NBDY: variants seen among roughly 807,000 people sequenced by gnomAD.
NBDY encodes the protein negative regulator of P-body association, also known as P-body dissociating protein.
intron 2 of NBDY, among the ~76,000 whole-genome samples, chrX:56,802,408 A>C (rs2069827820): frequency 9.0e-6 from 1 of 110,803 alleles, no homozygotes; most frequent in African/African-American, 3.3e-5. Context: ...CAGTTCCCCT[A>C]AGCCACCCTC....
chrX:56,803,223 C>T (rs1240491408), intron 2 of NBDY, among the ~76,000 whole-genome samples: 2 of 111,501 alleles, frequency 1.8e-5, no homozygotes, highest in African/African-American at 3.3e-5. Context: ...GCTCCACAGC[C>T]CTCTCCGAAA....
At chrX:56,786,703 T>G (rs1336146548) in intron 2 of NBDY, among the ~76,000 whole-genome samples, 1 of 110,419 alleles carries the variant, frequency 9.1e-6, no homozygotes, top group Non-Finnish European at 1.9e-5. Context: ...CTTCTTTTTT[T>G]GCTTTTGCTT....
chrX:56,816,953 G>T (rs1203608644), intron 2 of NBDY, among the ~76,000 whole-genome samples: 1 of 111,055 alleles, frequency 9.0e-6, no homozygotes, highest in African/African-American at 3.3e-5. Flanking sequence ...TTTGTCAAGG[G>T]GCTATGAGGG....
intron 2 of NBDY, among the ~76,000 whole-genome samples, chrX:56,740,559 G>A (rs1166484631): frequency 1.8e-5 from 2 of 111,390 alleles, no homozygotes; most frequent in African/African-American, 6.5e-5. Context: ...ATCTCCCACT[G>A]TATTTGTGTA....
intron 2 of NBDY, among the ~76,000 whole-genome samples, chrX:56,803,285 A>T (rs955115730): frequency 1.1e-4 from 12 of 111,716 alleles, no homozygotes; most frequent in Admixed American, 9.4e-5. Flanking sequence ...ATCTCCAGGA[A>T]TTGCCGGGCA....
chrX:56,788,928 C>T (rs1349621425), intron 2 of NBDY, among the ~76,000 whole-genome samples: 2 of 112,279 alleles, frequency 1.8e-5, no homozygotes, highest in Non-Finnish European at 3.8e-5. Context: ...GAAACCCTGG[C>T]TTAAGCAGAG....
At chrX:56,740,065 C>G (rs969808069) in intron 2 of NBDY, among the ~76,000 whole-genome samples, 14 of 111,249 alleles carry the variant, frequency 1.3e-4, no homozygotes, top group Non-Finnish European at 2.3e-4. Context: ...TTTTAATACC[C>G]AAATTGTCTC....
chrX:56,754,522 T>G, intron 2 of NBDY, among the ~76,000 whole-genome samples: 2 of 112,225 alleles, frequency 1.8e-5, no homozygotes, highest in Admixed American at 1.9e-4. Context: ...TCATACAATA[T>G]CTTCTACAAT....
Position 56,756,400 on chromosome X carries a change from C to T in NBDY, c.*166+24201C>T, listed in dbSNP as rs777424751. Among the ~76,000 whole-genome samples the T allele has an allele frequency of 7.8e-5, 8 of 102,513 alleles. No individual in the cohort carries two copies. The South Asian group carries it at 1.4e-3, about 18-fold the overall frequency. 89.0% of individuals were successfully genotyped at this position (102,513 alleles called of 115,157 possible). On this transcript the variant is annotated intron_variant, in intron 2 of 2. Coordinates refer to ENST00000374922, the MANE Select transcript of NBDY (RefSeq NM_001348129.2). ...AAGATCCATTTGGAAAAGGATACAC[C>T]CTATTAAAGTAAGCCTGATACATGA...
At position 56,762,117 on chromosome X, in the gene NBDY, C is replaced by T. The variant is rs955640170; in HGVS notation, c.*166+29918C>T. 7.2e-5 allele frequency among the ~76,000 whole-genome samples: 8 copies of T among 111,431 alleles called. 1 individual carries two copies. The highest frequency in any genetic ancestry group is 3.8e-5 in the Non-Finnish European group (2 of 53,033). On this transcript the variant is annotated intron_variant, in intron 2 of 2. Transcript: ENST00000374922. Reference sequence around the variant, plus strand: ...GGTGTGTCCTTTCACTGGGATGTCACTGTTGTCTCTTTGTCACTCGTTATG... The same window carrying T: ...GGTGTGTCCTTTCACTGGGATGTCATTGTTGTCTCTTTGTCACTCGTTATG...
chrX:56,765,365 A>T (rs772221190), intron 2 of NBDY, among the ~76,000 whole-genome samples: 3 of 112,140 alleles, frequency 2.7e-5, no homozygotes, highest in East Asian at 5.6e-4. Flanking sequence ...GGGGCTTGGT[A>T]GCCCCTTGCA....
chrX:56,800,637 C>G (rs113343673), intron 2 of NBDY, among the ~76,000 whole-genome samples: 2,723 of 111,994 alleles, frequency 0.024, 32 homozygotes, highest in Middle Eastern at 0.041. Flanking sequence ...AGTTCACTCT[C>G]AACCTCATTG....
At chrX:56,794,869 T>C (rs1226648654) in intron 2 of NBDY, among the ~76,000 whole-genome samples, 1 of 112,377 alleles carries the variant, frequency 8.9e-6, no homozygotes. Flanking sequence ...TGTTGACCCA[T>C]CCAGCTGCAG....
chrX:56,734,348 A>T (rs2069475562), intron 2 of NBDY, among the ~76,000 whole-genome samples: 1 of 112,193 alleles, frequency 8.9e-6, no homozygotes, highest in Non-Finnish European at 1.9e-5. Context: ...GTGCACTACA[A>T]CAGTGAACAT....
intron 2 of NBDY, among the ~76,000 whole-genome samples, chrX:56,749,937 C>T (rs2069576316): frequency 9.0e-6 from 1 of 111,679 alleles, no homozygotes; most frequent in South Asian, 3.8e-4. Flanking sequence ...AGGCATGAAC[C>T]TCCATGCCTG....
intron 2 of NBDY, among the ~76,000 whole-genome samples, chrX:56,805,126 C>G (rs1339803984): frequency 8.9e-6 from 1 of 112,064 alleles, no homozygotes; most frequent in Admixed American, 9.4e-5. Flanking sequence ...AGAAGGGCAA[C>G]AGTACCATGG....
intron 2 of NBDY, among the ~76,000 whole-genome samples, chrX:56,809,146 G>C (rs1472396451): frequency 2.7e-5 from 3 of 111,958 alleles, no homozygotes; most frequent in Non-Finnish European, 5.6e-5. Flanking sequence ...CCGTTCTTTT[G>C]CATTTGCTGA....
intron 2 of NBDY, among the ~76,000 whole-genome samples, chrX:56,738,187 C>G (rs2069507392): frequency 8.9e-6 from 1 of 112,002 alleles, no homozygotes; most frequent in Non-Finnish European, 1.9e-5. Flanking sequence ...GGAACAATTC[C>G]TTGACCTTTC....
intron 2 of NBDY, among the ~76,000 whole-genome samples, chrX:56,816,730 T>G (rs1055849751): frequency 2.5e-4 from 28 of 110,527 alleles, no homozygotes; most frequent in Non-Finnish European, 5.3e-4. Context: ...TATGTGTACA[T>G]TTAAATAGAA....
Sources: allele counts gnomAD v4.1 joint callset (sites outside exome capture counted in the v4.1 genomes callset), GRCh38; gene constraint gnomAD v4.1.1; transcripts MANE v1.5; gene names NCBI Gene and HGNC (gene_info 2026-07-23, HGNC 2026-07-21).